The following STON2 variants were observed in gnomAD, a reference collection of about 807,000 sequenced individuals.
STON2 encodes stonin 2, also known as stonin-2.
A neutral mutation model predicts 65.7 loss-of-function variants in STON2; 29 were observed. The ratio of observed to expected loss-of-function variants is 0.44; its 90% CI spans 0.33 to 0.60. STON2 has a LOEUF of 0.60. STON2 is among the 20% of genes least tolerant of loss of function. STON2 has a pLI of 0.03. For missense variants in STON2, 1,054 were observed against 1,118.1 expected, an observed-to-expected ratio of 0.94 and a Z score of 0.82; for synonymous variants, 404 against 414.2, an observed-to-expected ratio of 0.98 and a Z score of 0.30.
intron 5 of STON2, among the ~76,000 whole-genome samples, chr14:81,296,044 G>A (rs200015704): frequency 2.6e-5 from 4 of 152,084 alleles, no homozygotes; most frequent in East Asian, 3.9e-4. Context: ...CATTTTTTCC[G>A]TAGTATTTTG....
At chr14:81,303,405 A>G (rs1054391832) in intron 5 of STON2, among the ~76,000 whole-genome samples, 1 of 152,214 alleles carries the variant, frequency 6.6e-6, no homozygotes, top group African/African-American at 2.4e-5. Flanking sequence ...TAAGCACAGA[A>G]AAAGGAAACC....
chr14:81,423,142 T>C (rs1901795415), intron 2 of STON2, among the ~76,000 whole-genome samples: 1 of 152,198 alleles, frequency 6.6e-6, no homozygotes. Flanking sequence ...TAAGGTGCGC[T>C]GCACACTTTT....
Position 81,386,386 on chromosome 14 carries a change from AACGGCGGGGCTAGTCTTC to A in STON2, c.373+9490_373+9507del, listed in dbSNP as rs1443765229. On this transcript the variant is annotated intron_variant, in intron 3 of 7. Coordinates refer to ENST00000614646, the MANE Select transcript of STON2 (RefSeq NM_001394390.1). Reference sequence around the variant, plus strand: ...CAGAATGAACAACATAATAGAAATTAACGGCGGGGCTAGTCTTCTTCAGGATGAAGCCTCTCAGCTGTC... The same window carrying A: ...CAGAATGAACAACATAATAGAAATTATTCAGGATGAAGCCTCTCAGCTGTC... 5.9e-5 allele frequency among the ~76,000 whole-genome samples: 9 copies of A among 152,150 alleles called. No individual in the cohort carries two copies. In the East Asian group the frequency reaches 9.7e-4, roughly 16 times the overall value.
chr14:81,391,590 G>A (rs1374604753), intron 3 of STON2, among the ~76,000 whole-genome samples: 1 of 152,208 alleles, frequency 6.6e-6, no homozygotes, highest in African/African-American at 2.4e-5. Flanking sequence ...TGGGTAATAG[G>A]AATGTACTCT....
At chr14:81,358,896 C>T (rs10450895) in intron 4 of STON2, among the ~76,000 whole-genome samples, 88,718 of 151,982 alleles carry the variant, frequency 0.58, 28,404 homozygotes, top group African/African-American at 0.85. Context: ...ATAAAACAAA[C>T]ATTAAAAGAT....
At chr14:81,338,313 G>T (rs1897454207) in intron 4 of STON2, among the ~76,000 whole-genome samples, 1 of 152,160 alleles carries the variant, frequency 6.6e-6, no homozygotes, top group African/African-American at 2.4e-5. Flanking sequence ...GGCCAATCAT[G>T]TAATCAATCA....
rs950497443 is a variant in STON2 at position 81,263,994 on chromosome 14, G to C, written c.*4420C>G. 1.6e-5 allele frequency: 16 copies of C among 985,244 alleles called. No homozygotes were observed. Among genetic ancestry groups the C allele is most frequent in the Non-Finnish European group, 1.8e-5 (15 of 829,938 alleles). The allele number at this position is 985,244 out of a possible 1,614,324, so 61.0% of individuals were successfully genotyped here. A position where few individuals can be genotyped will look rare whatever the true frequency, so the allele number is the denominator to read the frequency against. Reference sequence around the variant, plus strand: ...AAATAAATGCAAAGTAACGGTCAGCGGTTAGTGCTGGAAGAACAAAGACCT... The same window carrying C: ...AAATAAATGCAAAGTAACGGTCAGCCGTTAGTGCTGGAAGAACAAAGACCT... On this transcript the variant is annotated 3_prime_UTR_variant, in exon 8 of 8. Transcript: ENST00000614646.
chr14:81,364,567 A>G (rs565886427), intron 4 of STON2, among the ~76,000 whole-genome samples: 1 of 152,180 alleles, frequency 6.6e-6, no homozygotes, highest in Non-Finnish European at 1.5e-5. Context: ...CCAAGTAGGC[A>G]GTAGAGATTA....
intron 4 of STON2, among the ~76,000 whole-genome samples, chr14:81,340,224 T>C (rs1427436139): frequency 6.6e-6 from 1 of 152,134 alleles, no homozygotes; most frequent in Non-Finnish European, 1.5e-5. Flanking sequence ...TGAGTCCATG[T>C]ATACAAAATT....
chr14:81,288,482 A>G (rs1279709530), intron 5 of STON2, among the ~76,000 whole-genome samples: 1 of 152,228 alleles, frequency 6.6e-6, no homozygotes, highest in Admixed American at 6.5e-5. Flanking sequence ...GGCAATTATA[A>G]GCGTTTGTAT....
Position 81,264,856 on chromosome 14 carries a change from T to TC in STON2, c.*3557dup. 1.0e-6 allele frequency: 1 copy of TC among 985,354 alleles called. No individual in the cohort carries two copies. Among genetic ancestry groups the TC allele is most frequent in the Non-Finnish European group, 1.2e-6 (1 of 829,896 alleles). 61.0% of individuals were successfully genotyped at this position (985,354 alleles called of 1,614,324 possible). A position where few individuals can be genotyped will look rare whatever the true frequency, so the allele number is the denominator to read the frequency against. ...AGGCAAGGGGGATCATCTAATGGTC[T>TC]CCCCACAAAGTGCCTCACATTGTCT... On this transcript the variant is annotated 3_prime_UTR_variant, in exon 8 of 8. Transcript: ENST00000614646.
chr14:81,434,598 A>G (rs1471667328), intron 1 of STON2, among the ~76,000 whole-genome samples: 1 of 151,990 alleles, frequency 6.6e-6, no homozygotes, highest in Admixed American at 6.6e-5. Flanking sequence ...TTCCTAGCCT[A>G]TGGGTTGGGG....
rs138814925 is a variant in STON2 at position 81,393,376 on chromosome 14, C to T, written c.373+2518G>A. On this transcript the variant is annotated intron_variant, in intron 3 of 7. Transcript: ENST00000614646. The stretch of plus-strand genomic sequence containing the variant: ...CTTCCATTCCTTGCCCCCACTGCCT[C>T]CTGGGTAATGAGGGAGCAGAGGATA... 1.4e-3 allele frequency among the ~76,000 whole-genome samples: 211 copies of T among 152,276 alleles called. 2 individuals carry two copies. The East Asian group carries it at 0.034, about 24-fold the overall frequency.
Position 81,413,137 on chromosome 14 carries a change from C to G in STON2, c.-199+13965G>C, listed in dbSNP as rs775755691. 8.1e-4 allele frequency: 1,060 copies of G among 1,316,658 alleles called. 59 individuals are homozygous for G. Among genetic ancestry groups the G allele is most frequent in the Non-Finnish European group, 1.1e-3 (1,024 of 948,268 alleles). 81.6% of individuals were successfully genotyped at this position (1,316,658 alleles called of 1,614,324 possible). On this transcript the variant is annotated intron_variant, in intron 2 of 8. Transcript: ENST00000553821. Reference sequence around the variant, plus strand: ...AGAAGTACAATCCCACCTGACACTGCATCGTGGGGAGGAACTTCAGTAGTT... The same window carrying G: ...AGAAGTACAATCCCACCTGACACTGGATCGTGGGGAGGAACTTCAGTAGTT...
At chr14:81,360,720 G>A (rs75044895) in intron 4 of STON2, among the ~76,000 whole-genome samples, 8,890 of 152,124 alleles carry the variant, frequency 0.058, 335 homozygotes, top group South Asian at 0.11. Context: ...TAGAAAAGGA[G>A]GAAATGAAAT....
intron 5 of STON2, among the ~76,000 whole-genome samples, chr14:81,293,191 T>C (rs1895628339): frequency 6.6e-6 from 1 of 151,556 alleles, no homozygotes; most frequent in African/African-American, 2.4e-5. Context: ...TTTTTTTTTT[T>C]TGAGATGGAG....
At chr14:81,338,871 CATA>C (rs1897479090) in intron 4 of STON2, among the ~76,000 whole-genome samples, 1 of 152,106 alleles carries the variant, frequency 6.6e-6, no homozygotes, top group Non-Finnish European at 1.5e-5. Context: ...CAATGGGAGG[CATA>C]ATAAGGAATC....
At chr14:81,276,845 T>C in intron 6 of STON2, 56 bp downstream of exon 6, 1 of 1,552,234 alleles carries the variant, frequency 6.4e-7, no homozygotes, top group African/African-American at 1.4e-5. Flanking sequence ...GGAACTTTGA[T>C]CTCAGCTTTT....
At chr14:81,278,817 G>A in intron 5 of STON2, 78 bp from the exon 6 acceptor site, 1 of 1,150,396 alleles carries the variant, frequency 8.7e-7, no homozygotes. Flanking sequence ...AGGAATGAGG[G>A]ATTACTAGAA....
Sources: allele counts gnomAD v4.1 joint callset (sites outside exome capture counted in the v4.1 genomes callset), GRCh38; gene constraint gnomAD v4.1.1; transcripts MANE v1.5; gene names NCBI Gene and HGNC (gene_info 2026-07-23, HGNC 2026-07-21).